Variants in CLCA1 observed in about 807,000 individuals in gnomAD.
CLCA1 encodes chloride channel accessory 1.
A neutral mutation model predicts 85.6 loss-of-function variants in CLCA1; 59 were observed. The ratio of observed to expected loss-of-function variants is 0.69; its 90% confidence interval spans 0.56 to 0.86. The LOEUF (loss-of-function observed/expected upper bound fraction) is 0.86. Among genes scored for constraint, CLCA1 ranks in the 40% least tolerant of loss-of-function variants. The probability of loss-of-function intolerance (pLI) is 0.00; values close to 1 mark genes in which losing one functional copy is unlikely to be tolerated. For missense variants in CLCA1, 1,022 were observed against 1,101.4 expected (o/e 0.93, Z 1.02); for synonymous variants, 396 against 398.3 (o/e 0.99, Z 0.07).
intron 12 of CLCA1, 144 bp from the exon 13 acceptor site, chr1:86,498,428 C>T: frequency 1.4e-6 from 1 of 713,516 alleles, no homozygotes; most frequent in East Asian, 2.8e-5. Flanking sequence ...GGTCTTGTCT[C>T]CAAATATTTA....
At chr1:86,491,155 T>C (rs189700921) in intron 8 of CLCA1, 110 bp from the exon 9 acceptor site, 2 of 668,708 alleles carry the variant, frequency 3.0e-6, no homozygotes, top group East Asian at 2.7e-5. Flanking sequence ...CTATTTATAC[T>C]TTAATAACAC....
At position 86,468,955 on chromosome 1, in the gene CLCA1, C is replaced by T. The variant is rs777666738; in HGVS notation, c.-17C>T. ...CCGCATTTTCCAAAGAGAGAAATCA[C>T]AGGGAGATGTACAGCAATGGGGCCA... On this transcript the variant is annotated 5_prime_UTR_variant, in exon 1 of 14. Coordinates refer to ENST00000394711, the MANE Select transcript of CLCA1 (RefSeq NM_001285.4). 4 of 1,577,462 alleles carry T rather than the reference C, an allele frequency of 2.5e-6. No individual in the cohort carries two copies. Among genetic ancestry groups the T allele is most frequent in the Non-Finnish European group, 1.7e-6 (2 of 1,159,138 alleles).
rs752352591 is a variant in CLCA1, at chr1:86,486,771, A to G, written c.1182+18A>G. The G allele has an allele frequency of 4.3e-5, 70 of 1,609,398 alleles. No homozygotes were observed. The highest frequency in any genetic ancestry group is 5.7e-5 in the Non-Finnish European group (67 of 1,175,884). On this transcript the variant is annotated intron_variant, in intron 7 of 13. Transcript: ENST00000394711. ...CATTTACTGTGAGATGTGTTTTTCT[A>G]TTGTAGTTTGGAATGTTTGCAATTT... is the stretch of plus-strand genomic sequence containing the variant.
chr1:86,485,298 C>A, intron 5 of CLCA1, 45 bp from the exon 6 acceptor site: 1 of 1,426,804 alleles, frequency 7.0e-7, no homozygotes, highest in Non-Finnish European at 9.8e-7. Context: ...AAATATTCTA[C>A]CACATAGTTT....
chr1:86,486,026 G>GAGAGAA (rs897605128), intron 6 of CLCA1, among the ~76,000 whole-genome samples: 1 of 151,680 alleles, frequency 6.6e-6, no homozygotes, highest in East Asian at 1.9e-4. Flanking sequence ...AGGAGAGAGA[G>GAGAGAA]AGAGAGAGAG....
At chr1:86,480,934 C>T (rs972136489) in intron 4 of CLCA1, among the ~76,000 whole-genome samples, 8 of 152,056 alleles carry the variant, frequency 5.3e-5, no homozygotes, top group Admixed American at 2.0e-4. Context: ...AATGTTCAAA[C>T]TTTTGGATAT....
intron 12 of CLCA1, among the ~76,000 whole-genome samples, chr1:86,497,234 G>A (rs2753354): frequency 0.27 from 41,824 of 152,146 alleles, 6,047 homozygotes; most frequent in East Asian, 0.53. Flanking sequence ...AGAAGGCCAT[G>A]TTCTTCCCTC....
chr1:86,491,091 T>G (rs370362111), intron 8 of CLCA1, among the ~76,000 whole-genome samples, 174 bp from the exon 9 acceptor site: 1 of 151,786 alleles, frequency 6.6e-6, no homozygotes, highest in South Asian at 2.1e-4. Context: ...AATAAATAGG[T>G]TAAAAAAATA....
chr1:86,476,747 C>T (rs1278078835), intron 4 of CLCA1, among the ~76,000 whole-genome samples, 194 bp downstream of exon 4: 5 of 152,058 alleles, frequency 3.3e-5, no homozygotes, highest in African/African-American at 1.2e-4. Context: ...TTGAATTATT[C>T]ACTCTGCAGC....
At chr1:86,498,475 TG>T (rs766290247) in intron 12 of CLCA1, 96 bp from the exon 13 acceptor site, 1 of 1,203,790 alleles carries the variant, frequency 8.3e-7, no homozygotes. Context: ...GAAGCAGAAG[TG>T]GGGAACAGGA....
rs1648257348 is a variant in CLCA1 at position 86,495,599 on chromosome 1, AG to A, written c.2039del (p.Gly680GlufsTer9). On this transcript the variant is annotated frameshift_variant, in exon 12 of 14. Coordinates refer to ENST00000394711, the MANE Select transcript of CLCA1 (RefSeq NM_001285.4). LOFTEE classifies it high-confidence loss of function. ...ACAGTGTAAAAGTGCGGGCTCTGGG[AG>A]GAGTTAACGCAGCCAGACGGAGAGT... is the stretch of plus-strand genomic sequence containing the variant. ...RYSVKVRALG[G>X]VNAARRRVIP... is the part of the protein sequence containing the mutation. 1.2e-6 allele frequency: 2 copies of A among 1,613,974 alleles called. No homozygotes were observed. The highest frequency in any genetic ancestry group is 2.7e-5 in the African/African-American group (2 of 74,906).
At position 86,482,355 on chromosome 1, in the gene CLCA1, T is replaced by C; in HGVS notation, c.708T>C (p.Ser236=). The C allele has an allele frequency of 6.2e-7, 1 of 1,614,072 alleles. No homozygotes were observed. The highest frequency in any genetic ancestry group is 8.5e-7 in the Non-Finnish European group (1 of 1,179,950). ...AATCCCGCCAGACGGAGAAGGCTTCTATAATGTTTGCACAACATGTTGATT... is the reference window on the plus strand; with the variant it reads ...AATCCCGCCAGACGGAGAAGGCTTCCATAATGTTTGCACAACATGTTGATT... ...VLQSRQTEKA[S]IMFAQHVDSI... The change falls in exon 5 of 14, where the codon TCT becomes TCC. Residue 236 remains serine (S), a synonymous_variant. Coordinates refer to ENST00000394711, the MANE Select transcript of CLCA1 (RefSeq NM_001285.4).
chr1:86,497,790 G>GA, intron 12 of CLCA1, among the ~76,000 whole-genome samples: 1 of 152,182 alleles, frequency 6.6e-6, no homozygotes, highest in East Asian at 1.9e-4. Context: ...GAAAGATAAT[G>GA]AAACTCACAC....
Position 86,470,493 on chromosome 1 carries a change from C to T in CLCA1, c.162+1360C>T, listed in dbSNP as rs530956609. On this transcript the variant is annotated intron_variant, in intron 1 of 13. Coordinates refer to ENST00000394711, the MANE Select transcript of CLCA1 (RefSeq NM_001285.4). ...TATGCCAGAAGGAGAATGTAGATGCCGTATTCATCTTCAGTGACCGTGGTA... is the reference window on the plus strand; with the variant it reads ...TATGCCAGAAGGAGAATGTAGATGCTGTATTCATCTTCAGTGACCGTGGTA... Among the ~76,000 whole-genome samples the T allele has an allele frequency of 5.3e-5, 8 of 152,236 alleles. No individual in the cohort carries two copies. The South Asian group carries it at 6.2e-4, about 12-fold the overall frequency.
rs544219271 is a variant in CLCA1 at position 86,489,184 on chromosome 1, T to C, written c.1357+14T>C. On this transcript the variant is annotated intron_variant, in intron 8 of 13. Coordinates refer to ENST00000394711, the MANE Select transcript of CLCA1 (RefSeq NM_001285.4). ...CCAAAATGACAGGTGAGGGATGATT[T>C]GCTGAGACCCCCGGTATTGTCTCTC... The C allele has an allele frequency of 5.6e-6, 9 of 1,611,298 alleles. No homozygotes were observed. In the South Asian group the frequency reaches 7.7e-5, roughly 14 times the overall value.
intron 12 of CLCA1, among the ~76,000 whole-genome samples, chr1:86,496,329 A>ACTGT (rs1193450471): frequency 1.3e-5 from 2 of 152,178 alleles, no homozygotes; most frequent in African/African-American, 4.8e-5. Context: ...ATCCAAGTCC[A>ACTGT]CTGTCTGTCT....
At chr1:86,469,217 C>T (rs555296234) in intron 1 of CLCA1, 84 bp downstream of exon 1, 113 of 894,334 alleles carry the variant, frequency 1.3e-4, no homozygotes, top group Non-Finnish European at 1.8e-4. Flanking sequence ...ATTCCAGCTG[C>T]ACGACACTGG....
chr1:86,496,526 A>G (rs5744413), intron 12 of CLCA1, among the ~76,000 whole-genome samples: 2,591 of 152,232 alleles, frequency 0.017, 73 homozygotes, highest in African/African-American at 0.058. Context: ...TTGTGTCCCA[A>G]TGGGTTCCAG....
rs776504082 is a variant in CLCA1 at position 86,493,405 on chromosome 1, C to G, written c.1486C>G (p.Leu496Val). Residue 496 changes from leucine to valine, a missense_variant, in exon 10 of 14, where the codon CTC becomes GTC. Leu to Val is a conservative substitution (Grantham distance 32). Coordinates refer to ENST00000394711, the MANE Select transcript of CLCA1 (RefSeq NM_001285.4). ...SIQLESKGLT[L>V]QNSQWMNGTV... ...ACAGCTTGAGAGTAAGGGATTAACC[C>G]TCCAGAACAGCCAGTGGATGAATGG... 2 of 1,613,812 alleles carry G rather than the reference C, an allele frequency of 1.2e-6. No homozygotes were observed.
Sources: allele counts gnomAD v4.1 joint callset (sites outside exome capture counted in the v4.1 genomes callset), GRCh38; gene constraint gnomAD v4.1.1; transcripts MANE v1.5; gene names NCBI Gene and HGNC (gene_info 2026-07-23, HGNC 2026-07-21).